EFCAB8: variants seen among roughly 807,000 people sequenced by gnomAD.
EFCAB8 encodes EF-hand calcium-binding domain-containing protein 8.
EFCAB8 carries 100 observed loss-of-function variants against 116.3 expected under a neutral mutation model. That is an observed-to-expected ratio of 0.86 (90% CI 0.73 to 1.02). The LOEUF is 1.02. EFCAB8 is among the 50% of genes least tolerant of loss of function. The pLI is 0.00. For synonymous variants in EFCAB8, 558 were observed against 567.9 expected (o/e 0.98, Z 0.25); for missense variants, 1,320 against 1,416.9 (o/e 0.93, Z 1.10).
At chr20:32,930,189 C>T (rs541367020) in intron 20 of EFCAB8, among the ~76,000 whole-genome samples, 4 of 152,300 alleles carry the variant, frequency 2.6e-5, no homozygotes, top group Middle Eastern at 3.4e-3. Flanking sequence ...ACAAAAAAGA[C>T]GCAAAATCCC....
intron 20 of EFCAB8, among the ~76,000 whole-genome samples, chr20:32,927,490 G>T (rs1055882049): frequency 2.0e-5 from 3 of 152,114 alleles, no homozygotes; most frequent in African/African-American, 7.2e-5. Flanking sequence ...GATTAAAGGT[G>T]CCCGCCACCA....
chr20:32,878,557 T>G, intron 4 of EFCAB8, 147 bp from the exon 5 acceptor site: 3 of 402,992 alleles, frequency 7.4e-6, no homozygotes, highest in Non-Finnish European at 4.6e-6. Flanking sequence ...GTCGCCCAGG[T>G]CGGACTGCGG....
At chr20:32,883,725 C>CT (rs1169335099) in intron 5 of EFCAB8, among the ~76,000 whole-genome samples, 18 of 151,968 alleles carry the variant, frequency 1.2e-4, no homozygotes, top group Non-Finnish European at 2.6e-4. Context: ...GAGTCTCACT[C>CT]TGTCACCCAG....
intron 3 of EFCAB8, among the ~76,000 whole-genome samples, chr20:32,871,643 G>A (rs1336993133): frequency 6.6e-6 from 1 of 152,074 alleles, no homozygotes; most frequent in Non-Finnish European, 1.5e-5. Context: ...TTCACCTTTT[G>A]TTGATGTAGG....
At chr20:32,958,111 G>A (rs1989029746) in intron 23 of EFCAB8, among the ~76,000 whole-genome samples, 1 of 152,030 alleles carries the variant, frequency 6.6e-6, no homozygotes, top group Non-Finnish European at 1.5e-5. Context: ...TTACACACAA[G>A]CTACCTGAAG....
intron 23 of EFCAB8, among the ~76,000 whole-genome samples, chr20:32,956,122 A>G (rs1220686973): frequency 6.6e-6 from 1 of 151,922 alleles, no homozygotes; most frequent in East Asian, 1.9e-4. Flanking sequence ...CTGCTCTTTA[A>G]ATGGTATCTT....
chr20:32,878,515 T>TG (rs1409171023), intron 4 of EFCAB8, among the ~76,000 whole-genome samples, 189 bp from the exon 5 acceptor site: 1 of 148,232 alleles, frequency 6.7e-6, no homozygotes, highest in Non-Finnish European at 1.5e-5. Context: ...GTTCTTTTTT[T>TG]TTTTTTTTTT....
chr20:32,894,212 C>T (rs1469484190), intron 9 of EFCAB8, among the ~76,000 whole-genome samples: 2 of 152,202 alleles, frequency 1.3e-5, no homozygotes, highest in Non-Finnish European at 2.9e-5. Flanking sequence ...CATGCAGGGC[C>T]ACCAACCCCC....
At chr20:32,944,267 GTGTT>G (rs113037350) in intron 23 of EFCAB8, among the ~76,000 whole-genome samples, 9 of 152,068 alleles carry the variant, frequency 5.9e-5, no homozygotes, top group African/African-American at 2.2e-4. Context: ...GTCTTCCTAT[GTGTT>G]TGTTTGTTTG....
Position 32,920,129 on chromosome 20 carries a change from A to G in EFCAB8, c.2326A>G (p.Lys776Glu). The G allele has an allele frequency of 2.6e-6, 4 of 1,551,762 alleles. No homozygotes were observed. The highest frequency in any genetic ancestry group is 2.6e-6 in the Non-Finnish European group (3 of 1,147,008). The change falls in exon 20 of 27, where the codon AAA becomes GAA. Residue 776 changes from lysine to glutamate, a missense_variant. Lys to Glu is a moderately conservative substitution (Grantham distance 56, BLOSUM62 1). Transcript: ENST00000400522. ...TSRQSSKIHS[K>E]QSIYKEDETR... ...CAGGCAGTCAAGCAAGATCCACAGCAAACAGTCCATTTACAAAGAGGATGA... is the reference window on the plus strand; with the variant it reads ...CAGGCAGTCAAGCAAGATCCACAGCGAACAGTCCATTTACAAAGAGGATGA...
intron 3 of EFCAB8, among the ~76,000 whole-genome samples, chr20:32,868,199 C>T (rs975330022): frequency 6.6e-6 from 1 of 152,122 alleles, no homozygotes; most frequent in African/African-American, 2.4e-5. Flanking sequence ...GCTGAAACTA[C>T]AGGCACATGC....
rs1987856911 is a variant in EFCAB8, at chr20:32,930,506, C to T, written c.2521C>T (p.Leu841=). 3.2e-6 allele frequency: 5 copies of T among 1,552,110 alleles called. No homozygotes were observed. In the South Asian group the frequency reaches 4.8e-5, roughly 15 times the overall value. The change falls in exon 21 of 27, where the codon CTG becomes TTG. Residue 841 remains leucine (L), a synonymous_variant. Transcript: ENST00000400522. ...GTCCCTCCATGAGAATGGAGGCCTG[C>T]TGGGGAAGTTCCCTGTGGACCTAGA... The part of the protein sequence containing the change: ...AWSLHENGGL[L]GKFPVDLDNG...
At chr20:32,945,302 C>T (rs1988555288) in intron 23 of EFCAB8, among the ~76,000 whole-genome samples, 1 of 152,040 alleles carries the variant, frequency 6.6e-6, no homozygotes, top group South Asian at 2.1e-4. Flanking sequence ...ACTACAGGTG[C>T]ATGCCATCAT....
At chr20:32,960,023 C>G (rs1345570001) in intron 25 of EFCAB8, 40 bp from the exon 26 acceptor site, 2 of 1,551,522 alleles carry the variant, frequency 1.3e-6, no homozygotes, top group South Asian at 1.2e-5. Context: ...TGCAGGGACC[C>G]CCAACTCGCA....
chr20:32,935,192 CTTTTTTTTT>C (rs753039647), intron 22 of EFCAB8, among the ~76,000 whole-genome samples: 1 of 34,048 alleles, frequency 2.9e-5, no homozygotes, highest in Non-Finnish European at 4.6e-5. Context: ...TTCTTTCTTT[CTTTTTTTTT>C]TTTTTTTTTT....
chr20:32,936,035 TA>T (rs1281067240), intron 22 of EFCAB8, among the ~76,000 whole-genome samples: 1 of 151,986 alleles, frequency 6.6e-6, no homozygotes, highest in East Asian at 1.9e-4. Context: ...TTTTTATTTT[TA>T]TTTTTTATTT....
chr20:32,960,705 C>A (rs1380219748), intron 26 of EFCAB8, among the ~76,000 whole-genome samples: 2 of 152,222 alleles, frequency 1.3e-5, no homozygotes, highest in Non-Finnish European at 2.9e-5. Context: ...GGAGCTCCCT[C>A]CTCCCTGTGG....
At chr20:32,916,946 C>CA (rs1987215183) in intron 17 of EFCAB8, 1 of 207,214 alleles carries the variant, frequency 4.8e-6, no homozygotes, top group Non-Finnish European at 9.8e-6. Context: ...GCATTCCAGG[C>CA]AGAAGGCACA....
chr20:32,938,570 A>G (rs914168091), intron 22 of EFCAB8, among the ~76,000 whole-genome samples: 1 of 149,970 alleles, frequency 6.7e-6, no homozygotes, highest in African/African-American at 2.5e-5. Context: ...AAAAACTATT[A>G]AAACTAATAA....
Sources: allele counts gnomAD v4.1 joint callset (sites outside exome capture counted in the v4.1 genomes callset), GRCh38; gene constraint gnomAD v4.1.1; transcripts MANE v1.5; gene names NCBI Gene and HGNC (gene_info 2026-07-23, HGNC 2026-07-21).